PDE10A: variants seen among roughly 807,000 people sequenced by gnomAD.
PDE10A encodes the protein phosphodiesterase 10A.
PDE10A carries 39 observed loss-of-function variants against 97.7 expected under a neutral mutation model. The ratio of observed to expected loss-of-function variants is 0.40; its 90% CI spans 0.31 to 0.52. The LOEUF (loss-of-function observed/expected upper bound fraction) is 0.52, where lower values mean the gene tolerates loss of function less well. Among genes scored for constraint, PDE10A ranks in the 20% least tolerant of loss-of-function variants. PDE10A has a pLI of 0.56. For missense variants in PDE10A, 731 were observed against 1,047.8 expected, an observed-to-expected ratio of 0.70 and a Z score of 4.17; for synonymous variants, 371 against 376.8, an observed-to-expected ratio of 0.98 and a Z score of 0.18.
chr6:165,490,286 A>G (rs1419172096), intron 2 of PDE10A, among the ~76,000 whole-genome samples: 1 of 152,244 alleles, frequency 6.6e-6, no homozygotes, highest in Non-Finnish European at 1.5e-5. Flanking sequence ...TTGTGATTCT[A>G]TCTTTATCCT....
At chr6:165,526,761 C>A (rs1782472267) in intron 2 of PDE10A, among the ~76,000 whole-genome samples, 1 of 152,188 alleles carries the variant, frequency 6.6e-6, no homozygotes, top group South Asian at 2.1e-4. Context: ...TGGTATGCAG[C>A]CACTGACTTA....
chr6:165,880,132 T>A (rs1781437364), intron 1 of PDE10A, among the ~76,000 whole-genome samples: 1 of 152,188 alleles, frequency 6.6e-6, no homozygotes, highest in Non-Finnish European at 1.5e-5. Context: ...TGTACAGCAC[T>A]TGAGGGCTGT....
At chr6:165,481,213 T>C (rs1476689129) in intron 3 of PDE10A, among the ~76,000 whole-genome samples, 1 of 152,182 alleles carries the variant, frequency 6.6e-6, no homozygotes, top group African/African-American at 2.4e-5. Context: ...TCCTAGCAGC[T>C]GCCAAAATTC....
At chr6:165,578,137 G>A (rs373188947) in intron 1 of PDE10A, among the ~76,000 whole-genome samples, 11 of 152,174 alleles carry the variant, frequency 7.2e-5, no homozygotes, top group Non-Finnish European at 1.6e-4. Flanking sequence ...ATTGTGGGCC[G>A]AATCGTCCAG....
chr6:165,920,417 A>C (rs934023813), intron 1 of PDE10A, among the ~76,000 whole-genome samples: 21 of 152,184 alleles, frequency 1.4e-4, no homozygotes, highest in African/African-American at 4.8e-4. Context: ...CACTTTGTTA[A>C]TCTGGAGACA....
chr6:165,581,706 A>T (rs1253212174), intron 1 of PDE10A, among the ~76,000 whole-genome samples: 1 of 152,210 alleles, frequency 6.6e-6, no homozygotes, highest in Non-Finnish European at 1.5e-5. Flanking sequence ...GGCCTTTACA[A>T]TTTGAGAATT....
At chr6:165,551,626 A>C (rs1380669945) in intron 1 of PDE10A, among the ~76,000 whole-genome samples, 1 of 152,238 alleles carries the variant, frequency 6.6e-6, no homozygotes, top group Non-Finnish European at 1.5e-5. Context: ...TGAAGATATA[A>C]GCCCAGGATG....
chr6:165,588,281 C>CTTTTTTTCT (rs1562606454), intron 1 of PDE10A, among the ~76,000 whole-genome samples: 1 of 37,036 alleles, frequency 2.7e-5, no homozygotes. Flanking sequence ...ATTTTTTTTT[C>CTTTTTTTCT]TTTTTTTTTT....
chr6:165,894,434 C>T, intron 1 of PDE10A: 1 of 455,922 alleles, frequency 2.2e-6, no homozygotes, highest in Non-Finnish European at 4.4e-6. Flanking sequence ...TCAAGGCCTG[C>T]ATTCAGGCTC....
At chr6:165,511,636 G>GT (rs1395672707) in intron 2 of PDE10A, among the ~76,000 whole-genome samples, 2 of 151,888 alleles carry the variant, frequency 1.3e-5, no homozygotes, top group East Asian at 3.9e-4. Context: ...CACTCTCATT[G>GT]TATTGGAGTG....
chr6:165,973,423 A>AGAT (rs1554233524), intron 1 of PDE10A, among the ~76,000 whole-genome samples: 39 of 147,636 alleles, frequency 2.6e-4, no homozygotes, highest in African/African-American at 9.1e-4. Flanking sequence ...CAAAAAAAAA[A>AGAT]AAAATAAAAT....
At chr6:165,651,403 A>C (rs148428399) in intron 1 of PDE10A, among the ~76,000 whole-genome samples, 3 of 152,250 alleles carry the variant, frequency 2.0e-5, no homozygotes, top group South Asian at 2.1e-4. Flanking sequence ...TTTATATATT[A>C]AGAAGGTTAG....
At chr6:165,865,400 C>T (rs952105978) in intron 1 of PDE10A, among the ~76,000 whole-genome samples, 18 of 152,066 alleles carry the variant, frequency 1.2e-4, no homozygotes, top group East Asian at 3.9e-4. Context: ...AGCAAGGAAA[C>T]GTGACACCAC....
chr6:165,694,005 A>G (rs1791378393), intron 1 of PDE10A, among the ~76,000 whole-genome samples: 1 of 152,200 alleles, frequency 6.6e-6, no homozygotes. Context: ...ACTTTGAAGT[A>G]AATATTTTAC....
chr6:165,976,660 C>G lies in PDE10A; in HGVS notation c.-615+10869G>C, dbSNP rs537104410. Among the ~76,000 whole-genome samples, 5 of 152,354 alleles carry G rather than the reference C, an allele frequency of 3.3e-5. No individual in the cohort carries two copies. The South Asian group carries it at 1.0e-3, about 32-fold the overall frequency. Reference sequence around the variant, plus strand: ...CCAAAGCCCATATGTGAAACTCAGACCCTTCACGGGTTTTTCATTTACAAA... The same window carrying G: ...CCAAAGCCCATATGTGAAACTCAGAGCCTTCACGGGTTTTTCATTTACAAA... On this transcript the variant is annotated intron_variant, in intron 1 of 19. Transcript: ENST00000366882.
intron 5 of PDE10A, among the ~76,000 whole-genome samples, chr6:165,442,060 G>C (rs1268895175): frequency 6.6e-6 from 1 of 151,832 alleles, no homozygotes. Context: ...TGTCAGTTTA[G>C]TAAATGGTTT....
chr6:165,587,908 G>A (rs2128380918), intron 1 of PDE10A, among the ~76,000 whole-genome samples: 1 of 152,250 alleles, frequency 6.6e-6, no homozygotes, highest in East Asian at 1.9e-4. Context: ...GACTGTCATT[G>A]GTATGGACGG....
At chr6:165,906,026 T>TCCCTCTC (rs1782263587) in intron 1 of PDE10A, among the ~76,000 whole-genome samples, 2 of 3,110 alleles carry the variant, frequency 6.4e-4, no homozygotes, top group Non-Finnish European at 1.0e-3. Flanking sequence ...CCTCCCTCCC[T>TCCCTCTC]TCCTTCCTTC....
chr6:165,742,041 T>A (rs1792738992), intron 1 of PDE10A, among the ~76,000 whole-genome samples: 1 of 152,222 alleles, frequency 6.6e-6, no homozygotes, highest in Non-Finnish European at 1.5e-5. Context: ...ATGACAATCA[T>A]CACAGTCACT....
Sources: allele counts gnomAD v4.1 joint callset (sites outside exome capture counted in the v4.1 genomes callset), GRCh38; gene constraint gnomAD v4.1.1; transcripts MANE v1.5; gene names NCBI Gene and HGNC (gene_info 2026-07-23, HGNC 2026-07-21).